The following USP6NL variants were observed in gnomAD, a reference collection of about 807,000 sequenced individuals.
USP6NL encodes USP6 N-terminal like, also known as USP6 N-terminal-like protein.
Under a neutral mutation model 61.9 loss-of-function variants are expected in USP6NL, and 26 were observed. That is an observed-to-expected ratio of 0.42 (90% CI 0.31 to 0.58). USP6NL has a LOEUF of 0.58. Ranked by LOEUF, USP6NL falls within the 20% of genes least tolerant of loss-of-function variation. The pLI is 0.16. For synonymous variants in USP6NL, 432 were observed against 390.1 expected, an observed-to-expected ratio of 1.11 and a Z score of -1.27; for missense variants, 1,114 against 1,034.3, an observed-to-expected ratio of 1.08 and a Z score of -1.06.
intron 5 of USP6NL, among the ~76,000 whole-genome samples, chr10:11,516,168 A>T (rs909664753): frequency 1.4e-4 from 21 of 152,196 alleles, no homozygotes; most frequent in African/African-American, 5.1e-4. Flanking sequence ...GTAAACACCA[A>T]TACTAATCCT....
chr10:11,603,899 C>A, intron 1 of USP6NL, among the ~76,000 whole-genome samples: 1 of 152,082 alleles, frequency 6.6e-6, no homozygotes, highest in East Asian at 1.9e-4. Context: ...GAGGAAAATT[C>A]CTGTAGGATG....
At position 11,540,646 on chromosome 10, in the gene USP6NL, C is replaced by G. The variant is rs1836012943; in HGVS notation, c.5-13079G>C. 2.0e-5 allele frequency among the ~76,000 whole-genome samples: 3 copies of G among 152,292 alleles called. 1 individual carries two copies. The South Asian group carries it at 6.2e-4, about 32-fold the overall frequency. ...GCAGACCAGATATAAGAAGATAATT[C>G]ATAGACTGCCCACTCTGATGCTTAA... On this transcript the variant is annotated intron_variant, in intron 2 of 14. Coordinates refer to ENST00000609104, the MANE Select transcript of USP6NL (RefSeq NM_014688.5). The surrounding 1 kb of genome is among the most constrained non-coding windows in gnomAD (Gnocchi z 5.0).
chr10:11,523,879 C>T (rs1256865292), intron 4 of USP6NL, among the ~76,000 whole-genome samples: 1 of 152,120 alleles, frequency 6.6e-6, no homozygotes, highest in East Asian at 1.9e-4. Context: ...GAATCAAAAT[C>T]TAGGAAAGAC....
chr10:11,472,108 T>TA (rs1301551579), intron 14 of USP6NL, among the ~76,000 whole-genome samples: 1 of 152,232 alleles, frequency 6.6e-6, no homozygotes, highest in African/African-American at 2.4e-5. Flanking sequence ...GTGGTATTTT[T>TA]ACGGCAGTGC....
At chr10:11,497,644 T>TA (rs1055182199) in intron 7 of USP6NL, among the ~76,000 whole-genome samples, 9 of 152,032 alleles carry the variant, frequency 5.9e-5, no homozygotes, top group Middle Eastern at 3.4e-3. Context: ...AAATCCATCA[T>TA]AAAAAAGGCC....
chr10:11,556,154 G>A (rs761187532), intron 2 of USP6NL, among the ~76,000 whole-genome samples: 8 of 152,136 alleles, frequency 5.3e-5, no homozygotes, highest in South Asian at 2.1e-4. Context: ...TAACCCTAAA[G>A]GCAGACAGGG....
In USP6NL at chr10:11,592,689, C is replaced by CA. The variant is rs906789010; in HGVS notation, c.4+4941dup. Among the ~76,000 whole-genome samples, 1 of 152,110 alleles carries CA rather than the reference C, an allele frequency of 6.6e-6. No individual in the cohort carries two copies. The highest frequency in any genetic ancestry group is 1.5e-5 in the Non-Finnish European group (1 of 68,024). On this transcript the variant is annotated intron_variant, in intron 2 of 14. Transcript: ENST00000609104. The surrounding 1 kb of genome is among the most constrained non-coding windows in gnomAD (Gnocchi z 4.7). ...ACTTCTGAAGCATGCAGCTATTCCA[C>CA]AAAACAGTTTATCTATCTAGATAGG...
rs953301696 is a variant in USP6NL at position 11,532,560 on chromosome 10, G to A, written c.5-4993C>T. ...ACCAGCCTACACCAGCATTCCATCC[G>A]CTAACAAACAGCGGCTTGAAAGAAG... On this transcript the variant is annotated intron_variant, in intron 2 of 14. Coordinates refer to ENST00000609104, the MANE Select transcript of USP6NL (RefSeq NM_014688.5). This position sits in a 1 kb window ranked among gnomAD's most constrained non-coding sequence, Gnocchi z 4.1. Among the ~76,000 whole-genome samples, 2 of 152,140 alleles carry A rather than the reference G, an allele frequency of 1.3e-5. No individual in the cohort carries two copies. Among genetic ancestry groups the A allele is most frequent in the African/African-American group, 4.8e-5 (2 of 41,414 alleles).
At chr10:11,480,061 T>G (rs886719729) in intron 14 of USP6NL, among the ~76,000 whole-genome samples, 1 of 152,224 alleles carries the variant, frequency 6.6e-6, no homozygotes, top group Non-Finnish European at 1.5e-5. Flanking sequence ...ACTGCCAGTA[T>G]GATCAGAGCA....
intron 2 of USP6NL, among the ~76,000 whole-genome samples, chr10:11,593,866 G>A (rs191138171): frequency 5.4e-4 from 82 of 152,274 alleles, no homozygotes; most frequent in African/African-American, 1.9e-3. Context: ...TTTATCCCAC[G>A]TGATGTACAG....
chr10:11,555,184 G>A (rs553260409), intron 2 of USP6NL, among the ~76,000 whole-genome samples: 1 of 146,578 alleles, frequency 6.8e-6, no homozygotes, highest in Admixed American at 6.8e-5. Context: ...GGGAGGCCGA[G>A]GCAGGTGGAT....
intron 13 of USP6NL, among the ~76,000 whole-genome samples, chr10:11,483,604 GGAGGGGGAGA>G: frequency 5.4e-5 from 1 of 18,486 alleles, no homozygotes; most frequent in East Asian, 6.0e-3. Flanking sequence ...GGGGGAGGGG[GGAGGGGGAGA>G]GGGGGGGAGA....
intron 14 of USP6NL, among the ~76,000 whole-genome samples, chr10:11,475,350 G>T (rs1054950559): frequency 1.2e-4 from 18 of 150,940 alleles, no homozygotes; most frequent in Non-Finnish European, 2.5e-4. Flanking sequence ...GCTCACGCCT[G>T]TAATCCCAGC....
In USP6NL at chr10:11,478,800, G is replaced by T. The variant is rs2499923; in HGVS notation, c.1078+2970C>A. 0.42 allele frequency among the ~76,000 whole-genome samples: 64,320 copies of T among 151,782 alleles called. 14,002 individuals carry two copies. Among genetic ancestry groups the T allele is most frequent in the Middle Eastern group, 0.53 (157 of 294 alleles). ...TGCACCTGTAGTCCCAGCTACCTGG[G>T]GAGACTGAGGTGGGAGGATCACTTG... is the stretch of plus-strand genomic sequence containing the variant. On this transcript the variant is annotated intron_variant, in intron 14 of 14. Coordinates refer to ENST00000609104, the MANE Select transcript of USP6NL (RefSeq NM_014688.5). The surrounding 1 kb of genome is among the most constrained non-coding windows in gnomAD (Gnocchi z 6.8).
Position 11,462,502 on chromosome 10 carries a change from G to C in USP6NL, c.2426C>G (p.Pro809Arg). Reference protein sequence around the residue: ...PSGYPYSGPPPPAYHYRNRDG... With the variant: ...PSGYPYSGPPRPAYHYRNRDG... ...CCGATTCCTGTAGTGGTAGGCTGGA[G>C]GCGGGGGCCCTGAATATGGATATCC... The change falls in exon 15 of 15, where the codon CCT (proline) becomes CGT (arginine). Residue 809 changes from proline (P) to arginine (R), a missense_variant. By Grantham distance (103) the Pro-to-Arg change is moderately radical (BLOSUM62 -2). Transcript: ENST00000609104. 6.2e-7 allele frequency: 1 copy of C among 1,614,056 alleles called. No homozygotes were observed. The highest frequency in any genetic ancestry group is 8.5e-7 in the Non-Finnish European group (1 of 1,179,902).
intron 2 of USP6NL, among the ~76,000 whole-genome samples, chr10:11,534,695 A>G (rs951592184): frequency 1.3e-5 from 2 of 152,224 alleles, no homozygotes; most frequent in African/African-American, 4.8e-5. Flanking sequence ...TTGATGGTAT[A>G]TGAGAAAAGT....
chr10:11,558,872 C>A, intron 2 of USP6NL, among the ~76,000 whole-genome samples: 1 of 152,026 alleles, frequency 6.6e-6, no homozygotes, highest in Non-Finnish European at 1.5e-5. Context: ...TACAACTAAC[C>A]ATAGTTTACT....
At chr10:11,547,786 C>A (rs1288486796) in intron 2 of USP6NL, among the ~76,000 whole-genome samples, 2 of 152,120 alleles carry the variant, frequency 1.3e-5, no homozygotes, top group Admixed American at 1.3e-4. Context: ...GTGATCCGCC[C>A]GCCTTGGCCT....
At chr10:11,473,002 T>C (rs563493094) in intron 14 of USP6NL, among the ~76,000 whole-genome samples, 85 of 152,194 alleles carry the variant, frequency 5.6e-4, no homozygotes, top group Non-Finnish European at 1.1e-3. Flanking sequence ...AATGGTTAAA[T>C]GTAACATCAT....
Sources: gnomAD v4.1 joint callset for allele counts (sites outside exome capture counted in the v4.1 genomes callset) on GRCh38, gnomAD v4.1.1 for gene constraint, Gnocchi (gnomAD v3.1) non-coding constraint, MANE v1.5 for transcripts, NCBI Gene and HGNC (gene_info 2026-07-23, HGNC 2026-07-21) for gene names.